JARID2: variants seen among roughly 807,000 people sequenced by gnomAD.
JARID2 encodes the protein jumonji and AT-rich interaction domain containing 2.
JARID2 carries 21 observed loss-of-function variants against 125.6 expected under a neutral mutation model. That is an observed-to-expected ratio of 0.17 (90% confidence interval 0.12 to 0.24). JARID2 has a LOEUF of 0.24. JARID2 is among the 10% of genes least tolerant of loss of function. JARID2 has a pLI of 1.00. For synonymous variants in JARID2, 736 were observed against 661.6 expected (o/e 1.11, Z -1.73); for missense variants, 1,303 against 1,639.6 (o/e 0.79, Z 3.55).
At chr6:15,491,198 C>G (rs1561900026) in intron 6 of JARID2, among the ~76,000 whole-genome samples, 1 of 152,182 alleles carries the variant, frequency 6.6e-6, no homozygotes, top group African/African-American at 2.4e-5. Context: ...ATTATTTTGT[C>G]ATTTGAATTG....
chr6:15,334,003 C>T (rs982953795), intron 1 of JARID2, among the ~76,000 whole-genome samples: 1 of 152,056 alleles, frequency 6.6e-6, no homozygotes, highest in African/African-American at 2.4e-5. Context: ...GTGGGCAAAC[C>T]TTTAAAATAT....
intron 2 of JARID2, among the ~76,000 whole-genome samples, chr6:15,390,410 G>T (rs1182136715): frequency 2.6e-5 from 4 of 152,274 alleles, no homozygotes; most frequent in Non-Finnish European, 5.9e-5. Flanking sequence ...GTCCTTCTTA[G>T]CTCTGTCCAC....
rs547227049 is a variant in JARID2 at position 15,520,854 on chromosome 6, C to T, written c.*603C>T. On this transcript the variant is annotated 3_prime_UTR_variant, in exon 18 of 18. Coordinates refer to ENST00000341776, the MANE Select transcript of JARID2 (RefSeq NM_004973.4). ...CGTTGTTTCCTAACCATAGGTGGAA[C>T]GAGGAGACGGGAGCGAGTGGGCTCT... is the stretch of plus-strand genomic sequence containing the variant. 6.4e-5 allele frequency: 29 copies of T among 455,534 alleles called. No homozygotes were observed. Among genetic ancestry groups the T allele is most frequent in the Admixed American group, 3.1e-4 (13 of 42,530 alleles). The allele number at this position is 455,534 out of a possible 1,614,324, so 28.2% of individuals were successfully genotyped here.
chr6:15,450,920 G>C (rs1767893633), intron 3 of JARID2, among the ~76,000 whole-genome samples: 1 of 152,192 alleles, frequency 6.6e-6, no homozygotes, highest in Non-Finnish European at 1.5e-5. Flanking sequence ...GGTCAAGACT[G>C]GGGAGGCTAA....
chr6:15,479,606 G>T (rs1413140555), intron 5 of JARID2, among the ~76,000 whole-genome samples: 31 of 152,210 alleles, frequency 2.0e-4, no homozygotes, highest in Admixed American at 2.0e-3. Flanking sequence ...TGTGATCAAA[G>T]TGAAAGAGAT....
At chr6:15,514,152 T>C (rs1303550116) in intron 16 of JARID2, among the ~76,000 whole-genome samples, 3 of 130,332 alleles carry the variant, frequency 2.3e-5, no homozygotes, top group African/African-American at 9.0e-5. Flanking sequence ...AGAAAAGCCC[T>C]TCCATGGCGA....
chr6:15,265,498 G>T (rs759108554), intron 1 of JARID2, among the ~76,000 whole-genome samples: 1 of 151,986 alleles, frequency 6.6e-6, no homozygotes, highest in Non-Finnish European at 1.5e-5. Context: ...AAATATCTGT[G>T]CAGTAACATT....
At position 15,507,428 on chromosome 6, in the gene JARID2, T is replaced by A; in HGVS notation, c.2731+12T>A. The stretch of plus-strand genomic sequence containing the variant: ...CGGTGCTGTGCCTGGTAAGCCTGAC[T>A]GTGGCCGCCTGCCTGTGGCAGCTGT... On this transcript the variant is annotated intron_variant, in intron 11 of 17. Coordinates refer to ENST00000341776, the MANE Select transcript of JARID2 (RefSeq NM_004973.4). 1 of 1,611,878 alleles carries A rather than the reference T, an allele frequency of 6.2e-7. No individual in the cohort carries two copies. Among genetic ancestry groups the A allele is most frequent in the Non-Finnish European group, 8.5e-7 (1 of 1,178,230 alleles).
rs562181323 is a variant in JARID2, at chr6:15,256,099, T to C, written c.45+9515T>C. ...GGGAATTTTTGATGTGAAAGCACTT[T>C]GTAAACTGCATACTGCTGCACAAAT... is the stretch of plus-strand genomic sequence containing the variant. On this transcript the variant is annotated intron_variant, in intron 1 of 17. Coordinates refer to ENST00000341776, the MANE Select transcript of JARID2 (RefSeq NM_004973.4). 6.8e-4 allele frequency among the ~76,000 whole-genome samples: 104 copies of C among 152,296 alleles called. 1 individual carries two copies. The highest frequency in any genetic ancestry group is 3.9e-3 in the Admixed American group (60 of 15,306).
At chr6:15,461,695 CA>C (rs1307780162) in intron 4 of JARID2, among the ~76,000 whole-genome samples, 1 of 152,170 alleles carries the variant, frequency 6.6e-6, no homozygotes, top group Non-Finnish European at 1.5e-5. Context: ...ATAATAATAT[CA>C]CCTTACTGTG....
rs750835524 is a variant in JARID2, at chr6:15,404,226, GCT to G, written c.182-5995_182-5994del. Among the ~76,000 whole-genome samples the G allele has an allele frequency of 5.9e-5, 9 of 152,276 alleles. No homozygotes were observed. The East Asian group carries it at 1.7e-3, about 29-fold the overall frequency. On this transcript the variant is annotated intron_variant, in intron 2 of 17. Transcript: ENST00000341776. ...TGCCCTGCTCGCCCCTCTCCCTGGA[GCT>G]CTGTGCTCCATTGGAAGCTTCACAT... is the stretch of plus-strand genomic sequence containing the variant.
intron 6 of JARID2, 65 bp downstream of exon 6, chr6:15,487,607 C>A: frequency 7.4e-7 from 1 of 1,359,606 alleles, no homozygotes; most frequent in Non-Finnish European, 1.0e-6. Flanking sequence ...CTTCACCAAG[C>A]TAAAAATTCA....
At chr6:15,442,035 G>T (rs1414082258) in intron 3 of JARID2, among the ~76,000 whole-genome samples, 1 of 151,610 alleles carries the variant, frequency 6.6e-6, no homozygotes, top group Non-Finnish European at 1.5e-5. Flanking sequence ...CCCACGCCTG[G>T]CCTGGATTTT....
intron 6 of JARID2, among the ~76,000 whole-genome samples, chr6:15,495,385 C>G (rs573211239): frequency 6.6e-6 from 1 of 152,142 alleles, no homozygotes; most frequent in South Asian, 2.1e-4. Context: ...ATAGGAAGCG[C>G]GTGTGCAGAC....
At chr6:15,355,960 T>C (rs1763585881) in intron 1 of JARID2, among the ~76,000 whole-genome samples, 1 of 152,154 alleles carries the variant, frequency 6.6e-6, no homozygotes, top group Non-Finnish European at 1.5e-5. Flanking sequence ...AGAAACCCGA[T>C]ATCCATTAGC....
intron 17 of JARID2, among the ~76,000 whole-genome samples, chr6:15,519,251 A>G (rs1771713303): frequency 6.6e-6 from 1 of 152,094 alleles, no homozygotes. Flanking sequence ...ATCCTTTATC[A>G]GTGTTTATCA....
At chr6:15,368,761 C>G (rs771085853) in intron 1 of JARID2, 7 of 477,110 alleles carry the variant, frequency 1.5e-5, no homozygotes, top group Non-Finnish European at 2.5e-5. Context: ...TGAATTCTGA[C>G]AGTAATACTG....
intron 1 of JARID2, among the ~76,000 whole-genome samples, chr6:15,359,462 A>G (rs751120949): frequency 2.6e-5 from 4 of 151,992 alleles, no homozygotes; most frequent in African/African-American, 4.8e-5. Context: ...TGAAACCTGA[A>G]TAGTCTTGGT....
At chr6:15,299,687 C>CGCCA (rs1221168584) in intron 1 of JARID2, among the ~76,000 whole-genome samples, 18 of 151,988 alleles carry the variant, frequency 1.2e-4, no homozygotes, top group Admixed American at 1.2e-3. Flanking sequence ...AGAGTTTGGG[C>CGCCA]GCCACACAGA....
Sources: allele counts gnomAD v4.1 joint callset (sites outside exome capture counted in the v4.1 genomes callset), GRCh38; gene constraint gnomAD v4.1.1; transcripts MANE v1.5; gene names NCBI Gene and HGNC (gene_info 2026-07-23, HGNC 2026-07-21).